OSBPL8: variants seen among roughly 807,000 people sequenced by gnomAD.
The protein encoded by OSBPL8 is oxysterol binding protein like 8.
Under a neutral mutation model 125.5 loss-of-function variants are expected in OSBPL8, and 59 were observed. The observed-to-expected ratio is 0.47, with a 90% confidence interval of 0.38 to 0.58. The LOEUF is 0.58. OSBPL8 is among the 20% of genes least tolerant of loss of function. The pLI is 0.00. For missense variants in OSBPL8, 758 were observed against 1,047.8 expected (o/e 0.72, Z 3.82); for synonymous variants, 330 against 338.9 (o/e 0.97, Z 0.29).
chr12:76,422,137 T>C (rs757426124), intron 4 of OSBPL8, among the ~76,000 whole-genome samples: 2 of 152,118 alleles, frequency 1.3e-5, no homozygotes, highest in Non-Finnish European at 2.9e-5. Context: ...CAAATATCAA[T>C]ATTAATATCT....
intron 4 of OSBPL8, chr12:76,422,631 G>A (rs770675712): frequency 1.3e-5 from 6 of 456,346 alleles, no homozygotes; most frequent in African/African-American, 2.0e-5. Flanking sequence ...GAAAATCTAC[G>A]TTGTGAGCTC....
intron 3 of OSBPL8, among the ~76,000 whole-genome samples, chr12:76,456,583 G>A (rs1874078175): frequency 1.3e-5 from 2 of 151,776 alleles, no homozygotes; most frequent in African/African-American, 4.8e-5. Context: ...TGCACTAGGT[G>A]ACAGAGCAAG....
chr12:76,527,503 A>T (rs1950213660), intron 1 of OSBPL8, among the ~76,000 whole-genome samples: 1 of 152,188 alleles, frequency 6.6e-6, no homozygotes. Flanking sequence ...TCGAGTATAA[A>T]TCTGTCAATT....
intron 15 of OSBPL8, among the ~76,000 whole-genome samples, chr12:76,378,762 T>C (rs552130017): frequency 6.6e-6 from 1 of 152,290 alleles, no homozygotes; most frequent in African/African-American, 2.4e-5. Flanking sequence ...TTTTAAAAGA[T>C]ACAGTTATGT....
At chr12:76,537,647 A>G (rs1950535845) in intron 1 of OSBPL8, among the ~76,000 whole-genome samples, 1 of 152,150 alleles carries the variant, frequency 6.6e-6, no homozygotes, top group Admixed American at 6.5e-5. Context: ...GGTGGCTCAC[A>G]CCTGTAATCC....
chr12:76,538,818 C>T (rs1195109932), intron 1 of OSBPL8, among the ~76,000 whole-genome samples: 5 of 151,636 alleles, frequency 3.3e-5, no homozygotes, highest in African/African-American at 7.3e-5. Flanking sequence ...TGTGGTGGCA[C>T]ATGTCTGTAG....
intron 3 of OSBPL8, among the ~76,000 whole-genome samples, chr12:76,458,492 C>G (rs1874328143): frequency 6.6e-6 from 1 of 152,008 alleles, no homozygotes; most frequent in East Asian, 1.9e-4. Flanking sequence ...GAGTTCAAGA[C>G]CAGCCTGGGC....
chr12:76,540,221 T>A (rs1029056171), intron 1 of OSBPL8, among the ~76,000 whole-genome samples: 2 of 152,094 alleles, frequency 1.3e-5, no homozygotes, highest in Admixed American at 6.5e-5. Context: ...ACACTTCAAG[T>A]CAACCTCTCA....
At chr12:76,531,804 G>A (rs1950346179) in intron 1 of OSBPL8, among the ~76,000 whole-genome samples, 2 of 152,212 alleles carry the variant, frequency 1.3e-5, no homozygotes, top group South Asian at 2.1e-4. Flanking sequence ...TTGGGAAGCC[G>A]AGGCAGGCAG....
intron 1 of OSBPL8, among the ~76,000 whole-genome samples, chr12:76,510,115 T>C (rs553474088): frequency 2.6e-5 from 4 of 152,296 alleles, no homozygotes; most frequent in African/African-American, 7.2e-5. Context: ...TAACAGCACA[T>C]TAAAGCCCAA....
At chr12:76,419,701 A>T (rs1025747883) in intron 4 of OSBPL8, among the ~76,000 whole-genome samples, 3 of 152,252 alleles carry the variant, frequency 2.0e-5, no homozygotes, top group African/African-American at 7.2e-5. Context: ...GCAAATAAAA[A>T]AGAATTTCCT....
chr12:76,432,905 T>C (rs1871013272), intron 4 of OSBPL8, among the ~76,000 whole-genome samples: 1 of 152,180 alleles, frequency 6.6e-6, no homozygotes, highest in Admixed American at 6.5e-5. Context: ...GAAAGAATCA[T>C]ACACTATGGT....
chr12:76,416,444 T>A (rs529031413), intron 4 of OSBPL8, among the ~76,000 whole-genome samples: 3 of 152,212 alleles, frequency 2.0e-5, no homozygotes, highest in African/African-American at 7.2e-5. Flanking sequence ...GTAGAGAAGT[T>A]CTATTTTGAT....
chr12:76,508,812 G>A (rs1880687924), intron 1 of OSBPL8, among the ~76,000 whole-genome samples: 1 of 152,174 alleles, frequency 6.6e-6, no homozygotes, highest in Admixed American at 6.5e-5. Flanking sequence ...GGTCCAAAAA[G>A]GGAGGAACTC....
At chr12:76,407,456 C>T (rs1954315415) in intron 5 of OSBPL8, among the ~76,000 whole-genome samples, 1 of 152,142 alleles carries the variant, frequency 6.6e-6, no homozygotes, top group Non-Finnish European at 1.5e-5. Flanking sequence ...TTGTCATGTC[C>T]AGGCTGGTCT....
chr12:76,365,585 A>G (rs1261504543), intron 21 of OSBPL8, among the ~76,000 whole-genome samples: 4 of 152,074 alleles, frequency 2.6e-5, no homozygotes, highest in Admixed American at 2.6e-4. Flanking sequence ...TCCAATTTTG[A>G]TGACTTCTCT....
intron 4 of OSBPL8, among the ~76,000 whole-genome samples, chr12:76,434,993 C>T (rs562916784): frequency 1.7e-4 from 26 of 152,228 alleles, no homozygotes; most frequent in African/African-American, 6.0e-4. Flanking sequence ...TCCAACAACA[C>T]CACTTCAGAG....
intron 2 of OSBPL8, among the ~76,000 whole-genome samples, chr12:76,461,917 A>T (rs776683485): frequency 6.6e-6 from 1 of 152,234 alleles, no homozygotes; most frequent in Non-Finnish European, 1.5e-5. Flanking sequence ...TTTGTTGTGT[A>T]CCAATAAATA....
chr12:76,449,709 C>A (rs554462254), intron 4 of OSBPL8, among the ~76,000 whole-genome samples: 19 of 152,254 alleles, frequency 1.2e-4, no homozygotes, highest in Admixed American at 1.0e-3. Flanking sequence ...CTTCTCTGTA[C>A]TATATTTTTT....
Sources: allele counts gnomAD v4.1 joint callset (sites outside exome capture counted in the v4.1 genomes callset), GRCh38; gene constraint gnomAD v4.1.1; transcripts MANE v1.5; gene names NCBI Gene and HGNC (gene_info 2026-07-23, HGNC 2026-07-21).